ADCY2: variants seen among roughly 807,000 people sequenced by gnomAD.
ADCY2 encodes the protein adenylate cyclase type 2.
A neutral mutation model predicts 125.2 loss-of-function variants in ADCY2; 31 were observed. The ratio of observed to expected loss-of-function variants is 0.25; its 90% CI spans 0.19 to 0.33. ADCY2 has a LOEUF of 0.33. Among genes scored for constraint, ADCY2 ranks in the 10% least tolerant of loss-of-function variants. ADCY2 has a pLI of 1.00. For synonymous variants in ADCY2, 512 were observed against 548.4 expected, an observed-to-expected ratio of 0.93 and a Z score of 0.93; for missense variants, 904 against 1,418.2, an observed-to-expected ratio of 0.64 and a Z score of 5.82.
At chr5:7,824,327 A>C (rs891246791) in intron 24 of ADCY2, among the ~76,000 whole-genome samples, 2 of 152,162 alleles carry the variant, frequency 1.3e-5, no homozygotes, top group Non-Finnish European at 2.9e-5. Context: ...CGAGATGGAC[A>C]GCTTCTTCCT....
chr5:7,405,303 C>A (rs75702108), intron 1 of ADCY2, among the ~76,000 whole-genome samples: 1 of 136,616 alleles, frequency 7.3e-6, no homozygotes, highest in East Asian at 2.1e-4. Context: ...TTGAACTACT[C>A]TTTTTTTTTT....
chr5:7,501,455 C>G (rs968459837), intron 2 of ADCY2, among the ~76,000 whole-genome samples: 3 of 152,012 alleles, frequency 2.0e-5, no homozygotes, highest in Non-Finnish European at 4.4e-5. Context: ...TCAATGTCAA[C>G]TTTTTTGACA....
intron 3 of ADCY2, among the ~76,000 whole-genome samples, chr5:7,524,366 G>A (rs1159601595): frequency 5.3e-5 from 8 of 152,116 alleles, no homozygotes; most frequent in Non-Finnish European, 1.0e-4. Flanking sequence ...TATTACTACA[G>A]TACCATTCTC....
chr5:7,424,562 A>G (rs1740320250), intron 2 of ADCY2, among the ~76,000 whole-genome samples: 2 of 152,220 alleles, frequency 1.3e-5, no homozygotes, highest in African/African-American at 4.8e-5. Context: ...GTGAATCTGG[A>G]TTGTTCTATT....
At chr5:7,454,970 A>G (rs1196802457) in intron 2 of ADCY2, among the ~76,000 whole-genome samples, 2 of 152,026 alleles carry the variant, frequency 1.3e-5, no homozygotes, top group Admixed American at 1.3e-4. Flanking sequence ...TTTGATAGTT[A>G]TTTTTCAGTA....
At chr5:7,641,607 C>A (rs1738715464) in intron 4 of ADCY2, among the ~76,000 whole-genome samples, 1 of 152,054 alleles carries the variant, frequency 6.6e-6, no homozygotes, top group Non-Finnish European at 1.5e-5. Flanking sequence ...TGGGGTATGA[C>A]TGATCCCATT....
chr5:7,684,164 T>C (rs1041698193), intron 4 of ADCY2, among the ~76,000 whole-genome samples: 2 of 152,242 alleles, frequency 1.3e-5, no homozygotes, highest in Admixed American at 1.3e-4. Flanking sequence ...TTTCACTTTA[T>C]GGTGTGTGAG....
chr5:7,638,032 T>C (rs1738568143), intron 4 of ADCY2, among the ~76,000 whole-genome samples: 1 of 152,174 alleles, frequency 6.6e-6, no homozygotes, highest in Non-Finnish European at 1.5e-5. Flanking sequence ...GCTCCAGCCA[T>C]CATGGGTTAA....
intron 3 of ADCY2, among the ~76,000 whole-genome samples, chr5:7,616,316 G>A (rs1384535217): frequency 1.3e-5 from 2 of 152,150 alleles, no homozygotes; most frequent in Non-Finnish European, 2.9e-5. Context: ...GAAAACTAAT[G>A]ATGATCCCAA....
At chr5:7,648,685 A>G (rs1167235770) in intron 4 of ADCY2, among the ~76,000 whole-genome samples, 1 of 152,246 alleles carries the variant, frequency 6.6e-6, no homozygotes, top group African/African-American at 2.4e-5. Context: ...AGGTCATAAC[A>G]TCCAGAAAAT....
In ADCY2 at chr5:7,603,784, C is replaced by CTTTTTTTTTTTTTTTTTTTTTTTTT; in HGVS notation, c.571-22382_571-22358dup. On this transcript the variant is annotated intron_variant, in intron 3 of 24. Coordinates refer to ENST00000338316, the MANE Select transcript of ADCY2 (RefSeq NM_020546.3). ...AAAATTCTGGGGTAATGCTCTCTTTCTTTTTTTTTTTTTTTTTTTTTTTTT... is the reference window on the plus strand; with the variant it reads ...AAAATTCTGGGGTAATGCTCTCTTTCTTTTTTTTTTTTTTTTTTTTTTTTTTTTTTTTTTTTTTTTTTTTTTTTTT... 8.1e-3 allele frequency among the ~76,000 whole-genome samples: 509 copies of CTTTTTTTTTTTTTTTTTTTTTTTTT among 62,852 alleles called. 2 individuals carry two copies. The highest frequency in any genetic ancestry group is 0.019 in the Middle Eastern group (1 of 52). 41.2% of individuals were successfully genotyped at this position (62,852 alleles called of 152,430 possible).
intron 10 of ADCY2, among the ~76,000 whole-genome samples, chr5:7,711,417 A>C (rs1000062982): frequency 1.3e-5 from 2 of 152,192 alleles, no homozygotes; most frequent in Non-Finnish European, 2.9e-5. Flanking sequence ...TTTATTGTAC[A>C]TCAGCAATTG....
At chr5:7,605,993 C>CT (rs1378024322) in intron 3 of ADCY2, among the ~76,000 whole-genome samples, 1 of 133,604 alleles carries the variant, frequency 7.5e-6, no homozygotes, top group African/African-American at 2.9e-5. Flanking sequence ...CCCATCAATA[C>CT]CTAATTTATT....
chr5:7,680,640 G>A (rs563577972), intron 4 of ADCY2, among the ~76,000 whole-genome samples: 3 of 152,164 alleles, frequency 2.0e-5, no homozygotes, highest in African/African-American at 4.8e-5. Flanking sequence ...TTCAATAAGC[G>A]AGTGAGAAAA....
intron 15 of ADCY2, among the ~76,000 whole-genome samples, chr5:7,755,557 A>G (rs1742966938): frequency 2.0e-5 from 3 of 152,206 alleles, no homozygotes; most frequent in Admixed American, 2.0e-4. Context: ...TAACACTTGT[A>G]AGTCCTGTTG....
intron 3 of ADCY2, among the ~76,000 whole-genome samples, chr5:7,572,397 T>C (rs1485719350): frequency 2.0e-5 from 3 of 152,212 alleles, no homozygotes; most frequent in African/African-American, 7.2e-5. Flanking sequence ...ATTTTTTTAA[T>C]GATCAGTGAT....
chr5:7,670,864 G>A (rs937795585), intron 4 of ADCY2, among the ~76,000 whole-genome samples: 9 of 152,118 alleles, frequency 5.9e-5, no homozygotes, highest in African/African-American at 7.2e-5. Flanking sequence ...CCTGCTCTGC[G>A]GCCCAGTTCC....
At chr5:7,698,452 A>G in intron 7 of ADCY2, 78 bp downstream of exon 7, 1 of 1,435,784 alleles carries the variant, frequency 7.0e-7, no homozygotes, top group Non-Finnish European at 9.8e-7. Context: ...CAGGTTTGTT[A>G]CATAGGTATA....
At chr5:7,498,763 A>G (rs1188814997) in intron 2 of ADCY2, among the ~76,000 whole-genome samples, 1 of 152,176 alleles carries the variant, frequency 6.6e-6, no homozygotes, top group Non-Finnish European at 1.5e-5. Context: ...TAAATTAGAA[A>G]ACTACCTACA....
Sources: gnomAD v4.1 joint callset for allele counts (sites outside exome capture counted in the v4.1 genomes callset) on GRCh38, gnomAD v4.1.1 for gene constraint, MANE v1.5 for transcripts, NCBI Gene and HGNC (gene_info 2026-07-23, HGNC 2026-07-21) for gene names.